The following DDAH1 variants were observed in gnomAD, a reference collection of about 807,000 sequenced individuals.
DDAH1 encodes the protein dimethylarginine dimethylaminohydrolase 1.
DDAH1 carries 19 observed loss-of-function variants against 28.8 expected under a neutral mutation model. The observed-to-expected ratio is 0.66, with a 90% CI of 0.46 to 0.97. DDAH1 has a LOEUF of 0.97. Ranked by LOEUF, DDAH1 falls within the 50% of genes least tolerant of loss-of-function variation. The pLI, the probability that DDAH1 is intolerant of heterozygous loss-of-function variation, is 0.00. For synonymous variants in DDAH1, 153 were observed against 154.4 expected, an observed-to-expected ratio of 0.99 and a Z score of 0.07; for missense variants, 326 against 375.9, an observed-to-expected ratio of 0.87 and a Z score of 1.10.
At position 85,540,115 on chromosome 1, in the gene DDAH1, T is replaced by TA. The variant is rs1394816457; in HGVS notation, c.-123+37868dup. On this transcript the variant is annotated intron_variant, in intron 1 of 6. Transcript: ENST00000426972. ...ATACATGCTAAGATTTTTCTTGATT[T>TA]AAAAAACACTAAAATGAGAAAAAAA... Among the ~76,000 whole-genome samples the TA allele has an allele frequency of 2.3e-5, 3 of 127,766 alleles. No individual in the cohort carries two copies. In the Admixed American group the frequency reaches 2.5e-4, roughly 11 times the overall value. 83.8% of individuals were successfully genotyped at this position (127,766 alleles called of 152,430 possible). A position where few individuals can be genotyped will look rare whatever the true frequency, so the allele number is the denominator to read the frequency against.
intron 2 of DDAH1, chr1:85,482,478 A>T (rs945871010): frequency 6.6e-6 from 1 of 152,334 alleles, no homozygotes. Flanking sequence ...ACAGAAAAAA[A>T]CATGTTCGGA....
chr1:85,488,330 T>C (rs1190629842), intron 2 of DDAH1: 1 of 152,278 alleles, frequency 6.6e-6, no homozygotes, highest in Non-Finnish European at 1.5e-5. Flanking sequence ...GGCACCAGCA[T>C]GGTCAGATTC....
At chr1:85,400,878 T>A (rs576458452) in intron 1 of DDAH1, among the ~76,000 whole-genome samples, 26 of 152,332 alleles carry the variant, frequency 1.7e-4, no homozygotes, top group Non-Finnish European at 2.8e-4. Context: ...TATATCCATC[T>A]TTTGATTGGT....
At chr1:85,360,189 C>T (rs1052344166) in intron 1 of DDAH1, among the ~76,000 whole-genome samples, 1 of 152,170 alleles carries the variant, frequency 6.6e-6, no homozygotes, top group Non-Finnish European at 1.5e-5. Context: ...ACAAGCCTGA[C>T]ATTCATGCAT....
chr1:85,404,383 T>G, intron 1 of DDAH1: 1 of 1,535,170 alleles, frequency 6.5e-7, no homozygotes, highest in Non-Finnish European at 8.7e-7. Flanking sequence ...GTCCTTACCA[T>G]AGCTGACTGC....
intron 1 of DDAH1, among the ~76,000 whole-genome samples, chr1:85,446,211 T>C (rs1654419713): frequency 6.6e-6 from 1 of 152,138 alleles, no homozygotes. Flanking sequence ...CTGTTCAACA[T>C]GGCTAGGGAG....
intron 1 of DDAH1, among the ~76,000 whole-genome samples, chr1:85,364,074 A>G (rs1649935640): frequency 6.6e-6 from 1 of 152,204 alleles, no homozygotes; most frequent in Admixed American, 6.5e-5. Context: ...AAAAGAAGAA[A>G]GGGTAGATAT....
intron 1 of DDAH1, among the ~76,000 whole-genome samples, chr1:85,430,249 T>C (rs1026465694): frequency 2.0e-4 from 31 of 152,308 alleles, no homozygotes; most frequent in Non-Finnish European, 4.1e-4. Context: ...TTCTGTTCCA[T>C]TGGTCTATAT....
chr1:85,408,528 TC>T (rs1652512366), intron 1 of DDAH1, among the ~76,000 whole-genome samples: 1 of 152,192 alleles, frequency 6.6e-6, no homozygotes. Flanking sequence ...AAAAAGTACT[TC>T]TTGGAAATCT....
At chr1:85,489,579 G>A (rs1025349185) in intron 2 of DDAH1, among the ~76,000 whole-genome samples, 13 of 152,096 alleles carry the variant, frequency 8.5e-5, no homozygotes, top group Non-Finnish European at 4.4e-5. Flanking sequence ...TTTGTTGGTG[G>A]TTTCAAGGAG....
chr1:85,496,100 T>C (rs1570608703), intron 2 of DDAH1: 2 of 310,376 alleles, frequency 6.4e-6, no homozygotes, highest in Non-Finnish European at 9.4e-6. Flanking sequence ...TACATTTTGA[T>C]GAATATAATT....
chr1:85,529,373 C>A (rs1179861917), intron 1 of DDAH1, among the ~76,000 whole-genome samples: 1 of 151,968 alleles, frequency 6.6e-6, no homozygotes, highest in South Asian at 2.1e-4. Flanking sequence ...ATGCTGCCTG[C>A]AGAGTTTACA....
chr1:85,454,822 T>C (rs538218255), intron 1 of DDAH1, among the ~76,000 whole-genome samples: 18 of 152,304 alleles, frequency 1.2e-4, no homozygotes, highest in African/African-American at 4.1e-4. Flanking sequence ...GTCTTGAAGC[T>C]GTGCTCTAGT....
In DDAH1 at chr1:85,464,665, T is replaced by TC; in HGVS notation, c.303+77dup. On this transcript the variant is annotated intron_variant, in intron 1 of 5. Coordinates refer to ENST00000284031, the MANE Select transcript of DDAH1 (RefSeq NM_012137.4). This position sits in a 1 kb window ranked among gnomAD's most constrained non-coding sequence, Gnocchi z 4.4. The stretch of plus-strand genomic sequence containing the variant: ...CTAGCCCGAGGGCCAATGGCGCGAC[T>TC]CCCCAGGCAACACGGCGGCCGGCGG... 7.0e-7 allele frequency: 1 copy of TC among 1,436,680 alleles called. No individual in the cohort carries two copies. The highest frequency in any genetic ancestry group is 1.4e-5 in the South Asian group (1 of 69,556). 89.0% of individuals were successfully genotyped at this position (1,436,680 alleles called of 1,614,324 possible).
intron 1 of DDAH1, among the ~76,000 whole-genome samples, chr1:85,385,732 T>C (rs1651225101): frequency 6.6e-6 from 1 of 152,188 alleles, no homozygotes. Context: ...CTTAGTGCAT[T>C]TGCATTGTTA....
At chr1:85,447,623 T>C (rs1015997224) in intron 1 of DDAH1, among the ~76,000 whole-genome samples, 2 of 152,220 alleles carry the variant, frequency 1.3e-5, no homozygotes, top group African/African-American at 4.8e-5. Context: ...GTAAAATCAT[T>C]GACCTAGTAA....
intron 5 of DDAH1, among the ~76,000 whole-genome samples, chr1:85,322,165 A>G (rs1231627493): frequency 4.6e-5 from 7 of 152,128 alleles, no homozygotes; most frequent in Non-Finnish European, 7.4e-5. Context: ...TCAAGTGATC[A>G]TCCTGCCTTG....
chr1:85,425,907 A>C (rs960120008), intron 1 of DDAH1, among the ~76,000 whole-genome samples: 2 of 152,144 alleles, frequency 1.3e-5, no homozygotes, highest in Non-Finnish European at 2.9e-5. Flanking sequence ...CACTAAAATA[A>C]TATTTATGAA....
chr1:85,405,346 G>A (rs1652354807), intron 1 of DDAH1, among the ~76,000 whole-genome samples: 1 of 152,176 alleles, frequency 6.6e-6, no homozygotes, highest in Admixed American at 6.5e-5. Context: ...GTTTTTCCCT[G>A]CTATTAAAAA....
Sources: allele counts gnomAD v4.1 joint callset (sites outside exome capture counted in the v4.1 genomes callset), GRCh38; gene constraint gnomAD v4.1.1; non-coding constraint Gnocchi (gnomAD v3.1); transcripts MANE v1.5; gene names NCBI Gene and HGNC (gene_info 2026-07-23, HGNC 2026-07-21).